The following SH3KBP1 variants were observed in gnomAD, a reference collection of about 807,000 sequenced individuals.
SH3KBP1 encodes SH3 domain-containing kinase-binding protein 1.
In SH3KBP1, 8 loss-of-function variants were observed where a neutral mutation model predicts 50.1. The ratio of observed to expected loss-of-function variants is 0.16; its 90% CI spans 0.09 to 0.29. The LOEUF is 0.29. Among genes scored for constraint, SH3KBP1 ranks in the 10% least tolerant of loss-of-function variants. The pLI, the probability that SH3KBP1 is intolerant of heterozygous loss-of-function variation, is 1.00. For synonymous variants in SH3KBP1, 227 were observed against 218.6 expected, an observed-to-expected ratio of 1.04 and a Z score of -0.34; for missense variants, 377 against 535.2, an observed-to-expected ratio of 0.70 and a Z score of 2.92.
intron 12 of SH3KBP1, among the ~76,000 whole-genome samples, chrX:19,585,688 T>C (rs1359727256): frequency 9.8e-6 from 1 of 101,952 alleles, no homozygotes; most frequent in Non-Finnish European, 2.0e-5. Flanking sequence ...CCACCACCAC[T>C]ACCAGCAGCA....
At chrX:19,634,279 A>G (rs927732316) in intron 7 of SH3KBP1, among the ~76,000 whole-genome samples, 1 of 110,520 alleles carries the variant, frequency 9.0e-6, no homozygotes, top group African/African-American at 3.3e-5. Context: ...GTTGGACGTC[A>G]GTACAGTGTT....
intron 2 of SH3KBP1, among the ~76,000 whole-genome samples, chrX:19,806,881 G>C (rs2067063923): frequency 8.9e-6 from 1 of 111,735 alleles, no homozygotes; most frequent in Non-Finnish European, 1.9e-5. Flanking sequence ...TTTTTCATCA[G>C]AGGCTCCACT....
chrX:19,644,006 T>C (rs1157581045), intron 7 of SH3KBP1, among the ~76,000 whole-genome samples: 1 of 112,097 alleles, frequency 8.9e-6, no homozygotes, highest in Non-Finnish European at 1.9e-5. Flanking sequence ...ATGCTGTTCC[T>C]AGAGGGCCAG....
At chrX:19,572,414 C>CATGTTATATAGTACATAT (rs1271200522) in intron 12 of SH3KBP1, among the ~76,000 whole-genome samples, 1 of 99,312 alleles carries the variant, frequency 1.0e-5, no homozygotes, top group Non-Finnish European at 1.9e-5. Context: ...ATAGTACATA[C>CATGTTATATAGTACATAT]ATGTTATATA....
chrX:19,678,777 T>C (rs2148570954), intron 6 of SH3KBP1, among the ~76,000 whole-genome samples: 1 of 111,482 alleles, frequency 9.0e-6, no homozygotes, highest in East Asian at 2.8e-4. Context: ...CACCCTGTCT[T>C]CTGTAATCCA....
chrX:19,853,412 G>A (rs917671807), intron 1 of SH3KBP1, among the ~76,000 whole-genome samples: 3 of 110,856 alleles, frequency 2.7e-5, no homozygotes, highest in African/African-American at 6.6e-5. Context: ...TGGAGGGGGT[G>A]GTCAGGGAGT....
intron 2 of SH3KBP1, among the ~76,000 whole-genome samples, chrX:19,808,822 A>G (rs2067125726): frequency 8.9e-6 from 1 of 111,855 alleles, no homozygotes; most frequent in African/African-American, 3.3e-5. Flanking sequence ...GTTCTCTGTT[A>G]ATTTCCAATC....
intron 6 of SH3KBP1, among the ~76,000 whole-genome samples, chrX:19,668,659 G>C (rs1420165483): frequency 9.7e-5 from 10 of 103,538 alleles, no homozygotes; most frequent in African/African-American, 3.1e-4. Context: ...AGACCAGCCT[G>C]GCCAACATGG....
At chrX:19,848,288 A>G (rs1319523761) in intron 1 of SH3KBP1, among the ~76,000 whole-genome samples, 5 of 111,880 alleles carry the variant, frequency 4.5e-5, no homozygotes, top group African/African-American at 1.6e-4. Context: ...GCCAGCAAAC[A>G]CTACTAGGGT....
intron 8 of SH3KBP1, among the ~76,000 whole-genome samples, chrX:19,628,138 C>A (rs897308033): frequency 4.5e-5 from 5 of 112,228 alleles, no homozygotes; most frequent in Admixed American, 9.5e-5. Flanking sequence ...GGCATGTTTT[C>A]TTTCCAAATT....
At chrX:19,556,372 C>A (rs907919016) in intron 13 of SH3KBP1, among the ~76,000 whole-genome samples, 14 of 109,629 alleles carry the variant, frequency 1.3e-4, no homozygotes, top group Non-Finnish European at 2.1e-4. Flanking sequence ...TGCAGAAACA[C>A]CATGAGGTAG....
In SH3KBP1 at chrX:19,887,290, G is replaced by A; in HGVS notation, c.4+17C>T. The A allele has an allele frequency of 1.0e-6, 1 of 976,334 alleles. No homozygotes were observed. The highest frequency in any genetic ancestry group is 1.3e-6 in the Non-Finnish European group (1 of 776,118). 80.5% of individuals were successfully genotyped at this position (976,334 alleles called of 1,213,427 possible). On this transcript the variant is annotated intron_variant, in intron 1 of 17. Transcript: ENST00000397821. ...AAGGCTGAAGTGGACGCCCGGACGC[G>A]GGCGGCCCCCACTCACCCATTGGCG...
At chrX:19,860,393 C>CT (rs2068751610) in intron 1 of SH3KBP1, among the ~76,000 whole-genome samples, 1 of 108,772 alleles carries the variant, frequency 9.2e-6, no homozygotes, top group Non-Finnish European at 1.9e-5. Context: ...TATAATTCTA[C>CT]TTATATGAGG....
chrX:19,554,332 ATAT>A lies in SH3KBP1; in HGVS notation c.1385-4252_1385-4250del, dbSNP rs1248917612. On this transcript the variant is annotated intron_variant, in intron 13 of 17. Transcript: ENST00000397821. ...AAAATATACATCATATTAAAATATA[ATAT>A]TATATATCATATTAATATATTATAT... is the stretch of plus-strand genomic sequence containing the variant. Among the ~76,000 whole-genome samples the A allele has an allele frequency of 2.4e-4, 20 of 84,140 alleles. No individual in the cohort carries two copies. The South Asian group carries it at 6.8e-3, about 29-fold the overall frequency. 73.1% of individuals were successfully genotyped at this position (84,140 alleles called of 115,157 possible).
intron 16 of SH3KBP1, among the ~76,000 whole-genome samples, chrX:19,540,708 A>T (rs1199640117): frequency 9.0e-6 from 1 of 111,443 alleles, no homozygotes; most frequent in African/African-American, 3.3e-5. Flanking sequence ...TCACCTGGGG[A>T]TGTGTTGACC....
At position 19,595,259 on chromosome X, in the gene SH3KBP1, T is replaced by C. The variant is rs188034049; in HGVS notation, c.1006-259A>G. On this transcript the variant is annotated intron_variant, in intron 9 of 17. Coordinates refer to ENST00000397821, the MANE Select transcript of SH3KBP1 (RefSeq NM_031892.3). Reference sequence around the variant, plus strand: ...CCTTTCTAAATTTGTAACAGCCTTCTGGAAAAGCACGGCTCAGCAAAAATG... The same window carrying C: ...CCTTTCTAAATTTGTAACAGCCTTCCGGAAAAGCACGGCTCAGCAAAAATG... 6.2e-5 allele frequency among the ~76,000 whole-genome samples: 7 copies of C among 112,629 alleles called. No individual in the cohort carries two copies. The East Asian group carries it at 1.4e-3, about 22-fold the overall frequency.
rs1602383769 is a variant in SH3KBP1 at position 19,537,663 on chromosome X, G to A, written c.1956+54C>T. The A allele has an allele frequency of 3.9e-5, 39 of 1,001,166 alleles. No homozygotes were observed. In the East Asian group the frequency reaches 1.2e-3, roughly 30 times the overall value. 82.5% of individuals were successfully genotyped at this position (1,001,166 alleles called of 1,213,427 possible). A position where few individuals can be genotyped will look rare whatever the true frequency, so the allele number is the denominator to read the frequency against. ...TTTTTGAAATAAAAGCCCTCACAATGTCCTGCCCCACTGAGCCTAGGACTC... is the reference window on the plus strand; with the variant it reads ...TTTTTGAAATAAAAGCCCTCACAATATCCTGCCCCACTGAGCCTAGGACTC... On this transcript the variant is annotated intron_variant, in intron 17 of 17. Coordinates refer to ENST00000397821, the MANE Select transcript of SH3KBP1 (RefSeq NM_031892.3).
Position 19,629,681 on chromosome X carries a change from G to A in SH3KBP1, c.897+2183C>T, listed in dbSNP as rs185708061. ...CAGGGTGGGACTAGGAGGACCAAGTGTCAAAATGGTGATATGAGAACTCTA... is the reference window on the plus strand; with the variant it reads ...CAGGGTGGGACTAGGAGGACCAAGTATCAAAATGGTGATATGAGAACTCTA... On this transcript the variant is annotated intron_variant, in intron 8 of 17. Transcript: ENST00000397821. Among the ~76,000 whole-genome samples, 18 of 112,267 alleles carry A rather than the reference G, an allele frequency of 1.6e-4. No homozygotes were observed. In the East Asian group the frequency reaches 4.7e-3, roughly 30 times the overall value.
At chrX:19,815,805 T>C (rs1042181493) in intron 2 of SH3KBP1, among the ~76,000 whole-genome samples, 8 of 112,066 alleles carry the variant, frequency 7.1e-5, no homozygotes, top group Non-Finnish European at 1.3e-4. Context: ...GCCCCTGAGA[T>C]CTATCTAAGT....
Sources: allele counts gnomAD v4.1 joint callset (sites outside exome capture counted in the v4.1 genomes callset), GRCh38; gene constraint gnomAD v4.1.1; transcripts MANE v1.5; gene names NCBI Gene and HGNC (gene_info 2026-07-23, HGNC 2026-07-21).